ELK3: variants seen among roughly 807,000 people sequenced by gnomAD.
The protein encoded by ELK3 is ETS domain-containing protein Elk-3.
A neutral mutation model predicts 28.9 loss-of-function variants in ELK3; 10 were observed. The ratio of observed to expected loss-of-function variants is 0.35; its 90% CI spans 0.21 to 0.59. The LOEUF (loss-of-function observed/expected upper bound fraction) is 0.59. ELK3 is among the 20% of genes least tolerant of loss of function. The pLI is 0.82. For synonymous variants in ELK3, 272 were observed against 243.5 expected, an observed-to-expected ratio of 1.12 and a Z score of -1.09; for missense variants, 463 against 517.3, an observed-to-expected ratio of 0.90 and a Z score of 1.02.
chr12:96,262,541 C>CCGGATGG (rs906160160), intron 4 of ELK3, among the ~76,000 whole-genome samples: 1 of 152,098 alleles, frequency 6.6e-6, no homozygotes, highest in African/African-American at 2.4e-5. Flanking sequence ...AGCTGGTATT[C>CCGGATGG]CGGATGGCTG....
chr12:96,235,229 A>G lies in ELK3; in HGVS notation c.207+11456A>G, dbSNP rs1318788487. Among the ~76,000 whole-genome samples, 3 of 54,580 alleles carry G rather than the reference A, an allele frequency of 5.5e-5. No individual in the cohort carries two copies. The South Asian group carries it at 1.9e-3, about 35-fold the overall frequency. The allele number at this position is 54,580 out of a possible 152,430, so 35.8% of individuals were successfully genotyped here. Reference sequence around the variant, plus strand: ...CCGCCCCCCACCCCAGCATCTTCTCAGGCCCCCTCCTTCCCCCTGCCCTTC... The same window carrying G: ...CCGCCCCCCACCCCAGCATCTTCTCGGGCCCCCTCCTTCCCCCTGCCCTTC... On this transcript the variant is annotated intron_variant, in intron 2 of 4. Coordinates refer to ENST00000228741, the MANE Select transcript of ELK3 (RefSeq NM_005230.4).
chr12:96,224,786 T>G (rs1480972515), intron 2 of ELK3, among the ~76,000 whole-genome samples: 2 of 152,218 alleles, frequency 1.3e-5, no homozygotes, highest in Non-Finnish European at 2.9e-5. Context: ...GCCATGATAA[T>G]GGTAAGCTTT....
intron 2 of ELK3, among the ~76,000 whole-genome samples, chr12:96,231,969 G>A (rs774582720): frequency 1.7e-4 from 26 of 152,172 alleles, no homozygotes; most frequent in Middle Eastern, 3.2e-3. Flanking sequence ...GTGCTGGCAT[G>A]GCCAATGCTG....
At chr12:96,264,058 C>T (rs1019894633) in intron 4 of ELK3, among the ~76,000 whole-genome samples, 1 of 152,150 alleles carries the variant, frequency 6.6e-6, no homozygotes, top group Non-Finnish European at 1.5e-5. Flanking sequence ...CTCACTGCAA[C>T]CTCTGCCTCC....
Position 96,223,615 on chromosome 12 carries a change from G to A in ELK3, c.49G>A (p.Asp17Asn), listed in dbSNP as rs1364859001. 6.2e-7 allele frequency: 1 copy of A among 1,614,148 alleles called. No homozygotes were observed. The change falls in exon 2 of 5, where the codon GAT (aspartate) becomes AAT (asparagine). Residue 17 changes from aspartate (D) to asparagine (N), a missense_variant. By Grantham distance (23) the Asp-to-Asn change is conservative. This residue lies in a region of ELK3 where 55 missense variants were observed against 102.5 expected (regional missense o/e 0.54). Coordinates refer to ENST00000228741, the MANE Select transcript of ELK3 (RefSeq NM_005230.4). The stretch of plus-strand genomic sequence containing the variant: ...GCAGTTCCTGTTGCAGTTGCTGCTG[G>A]ATCAGAAACATGAGCATTTGATCTG... ...LWQFLLQLLL[D>N]QKHEHLICWT...
intron 1 of ELK3, among the ~76,000 whole-genome samples, chr12:96,206,103 C>G (rs892864857): frequency 2.0e-5 from 3 of 152,132 alleles, no homozygotes; most frequent in Admixed American, 1.3e-4. Flanking sequence ...TCAATCAGAG[C>G]TGAACCACAA....
rs755074088 is a variant in ELK3, at chr12:96,246,981, G to A, written c.249G>A (p.Lys83=). Residue 83 remains lysine (K), a synonymous_variant, in exon 3 of 5, where the codon AAG becomes AAA. Coordinates refer to ENST00000228741, the MANE Select transcript of ELK3 (RefSeq NM_005230.4). The part of the protein sequence containing the change: ...KKVIGQKFVY[K]FVSFPEILKM... ...TGATCGGGCAGAAGTTTGTGTACAA[G>A]TTTGTCTCTTTCCCGGAGATCCTGA... 5.0e-6 allele frequency: 8 copies of A among 1,611,528 alleles called. No individual in the cohort carries two copies. Among genetic ancestry groups the A allele is most frequent in the African/African-American group, 4.0e-5 (3 of 74,830 alleles).
chr12:96,215,052 A>G (rs542819209), intron 1 of ELK3, among the ~76,000 whole-genome samples: 9 of 151,640 alleles, frequency 5.9e-5, no homozygotes, highest in African/African-American at 1.2e-4. Flanking sequence ...ATGAGCACCT[A>G]TTTTGTTTAT....
intron 1 of ELK3, among the ~76,000 whole-genome samples, chr12:96,221,155 C>T (rs1208422954): frequency 6.6e-6 from 1 of 152,144 alleles, no homozygotes; most frequent in Admixed American, 6.5e-5. Flanking sequence ...TACACAGTCA[C>T]CTAAGGAGAG....
At chr12:96,218,538 T>C (rs1448875150) in intron 1 of ELK3, among the ~76,000 whole-genome samples, 2 of 151,970 alleles carry the variant, frequency 1.3e-5, no homozygotes, top group East Asian at 3.9e-4. Flanking sequence ...GGGTGGTGGG[T>C]ATGCTAGAAG....
At chr12:96,242,430 A>G (rs1436510699) in intron 2 of ELK3, among the ~76,000 whole-genome samples, 2 of 152,226 alleles carry the variant, frequency 1.3e-5, no homozygotes, top group Non-Finnish European at 2.9e-5. Flanking sequence ...TTCTTAGAAG[A>G]TAGCCTGACA....
chr12:96,229,927 T>C (rs1028802893), intron 2 of ELK3, among the ~76,000 whole-genome samples: 1 of 152,154 alleles, frequency 6.6e-6, no homozygotes, highest in African/African-American at 2.4e-5. Context: ...TAAAGACCCC[T>C]TTCTAAATAA....
intron 2 of ELK3, among the ~76,000 whole-genome samples, chr12:96,240,800 C>T (rs1051109684): frequency 9.9e-5 from 15 of 152,170 alleles, no homozygotes; most frequent in African/African-American, 3.4e-4. Context: ...ACCAGAATGA[C>T]GAGGAACTCG....
intron 2 of ELK3, among the ~76,000 whole-genome samples, chr12:96,235,178 CA>C (rs933136738): frequency 2.0e-5 from 3 of 151,908 alleles, no homozygotes; most frequent in South Asian, 2.1e-4. Flanking sequence ...CACCCCAACC[CA>C]ACTGCCTTCC....
chr12:96,224,631 GC>G (rs763803768), intron 2 of ELK3, among the ~76,000 whole-genome samples: 4 of 152,224 alleles, frequency 2.6e-5, no homozygotes, highest in African/African-American at 7.2e-5. Flanking sequence ...GAGTTTTAAT[GC>G]ATTTCTGGAA....
chr12:96,229,803 T>TA (rs577706921), intron 2 of ELK3, among the ~76,000 whole-genome samples: 55 of 152,248 alleles, frequency 3.6e-4, no homozygotes, highest in African/African-American at 1.3e-3. Flanking sequence ...GTGCTGGGAT[T>TA]ACAGGTGTGA....
In ELK3 at chr12:96,247,596, C is replaced by A. The variant is rs1191915267; in HGVS notation, c.864C>A (p.Pro288=). The change falls in exon 3 of 5, where the codon CCC becomes CCA. Residue 288 remains proline, a synonymous_variant. Coordinates refer to ENST00000228741, the MANE Select transcript of ELK3 (RefSeq NM_005230.4). This position sits in a 1 kb window ranked among gnomAD's most constrained non-coding sequence, Gnocchi z 5.5. ...CCAAGACCAAGTCTCCATCTCTTCC[C>A]CCAAAGGCCAAAAAACCCAAAGGCT... ...SGSKTKSPSL[P]PKAKKPKGLE... is the part of the protein sequence containing the mutation. 1 of 1,613,898 alleles carries A rather than the reference C, an allele frequency of 6.2e-7. No homozygotes were observed. Among genetic ancestry groups the A allele is most frequent in the Admixed American group, 1.7e-5 (1 of 60,004 alleles).
chr12:96,256,843 G>C (rs1951953265), intron 3 of ELK3, among the ~76,000 whole-genome samples: 1 of 152,206 alleles, frequency 6.6e-6, no homozygotes, highest in South Asian at 2.1e-4. Context: ...GGCCGGGGCA[G>C]GGGTGCACAG....
Position 96,267,211 on chromosome 12 carries a change from A to T in ELK3, c.*31A>T. On this transcript the variant is annotated 3_prime_UTR_variant, in exon 5 of 5. Coordinates refer to ENST00000228741, the MANE Select transcript of ELK3 (RefSeq NM_005230.4). Reference sequence around the variant, plus strand: ...TCTGGCCACAATTAAGGACTCATTAACTGATGAAACAAATTTGTCCCCACG... The same window carrying T: ...TCTGGCCACAATTAAGGACTCATTATCTGATGAAACAAATTTGTCCCCACG... The T allele has an allele frequency of 6.3e-7, 1 of 1,587,898 alleles. No individual in the cohort carries two copies. Among genetic ancestry groups the T allele is most frequent in the South Asian group, 1.1e-5 (1 of 87,782 alleles).
Sources: allele counts gnomAD v4.1 joint callset (sites outside exome capture counted in the v4.1 genomes callset), GRCh38; gene constraint gnomAD v4.1.1; regional missense constraint gnomAD v4.1.1; non-coding constraint Gnocchi (gnomAD v3.1); transcripts MANE v1.5; gene names NCBI Gene and HGNC (gene_info 2026-07-23, HGNC 2026-07-21).